GOLGA1: variants seen among roughly 807,000 people sequenced by gnomAD.
The protein encoded by GOLGA1 is golgin A1.
In GOLGA1, 63 loss-of-function variants were observed where a neutral mutation model predicts 119.7. The ratio of observed to expected loss-of-function variants is 0.53; its 90% confidence interval spans 0.43 to 0.65. The LOEUF (loss-of-function observed/expected upper bound fraction) is 0.65. Ranked by LOEUF, GOLGA1 falls within the 30% of genes least tolerant of loss-of-function variation. The pLI, the probability that GOLGA1 is intolerant of heterozygous loss-of-function variation, is 0.00. For synonymous variants in GOLGA1, 318 were observed against 333.4 expected, an observed-to-expected ratio of 0.95 and a Z score of 0.50; for missense variants, 798 against 912.8, an observed-to-expected ratio of 0.87 and a Z score of 1.62.
chr9:124,909,336 G>A (rs958792199), intron 11 of GOLGA1, among the ~76,000 whole-genome samples: 6 of 151,146 alleles, frequency 4.0e-5, no homozygotes, highest in Non-Finnish European at 5.9e-5. Flanking sequence ...GGCTGGGAGC[G>A]GTGGTTCACG....
upstream of GOLGA1, among the ~76,000 whole-genome samples, chr9:124,941,924 A>G (rs1165455162): frequency 6.6e-6 from 1 of 152,210 alleles, no homozygotes; most frequent in East Asian, 1.9e-4. Flanking sequence ...CTTTAAATAA[A>G]TAGCAATCAT....
At chr9:124,890,514 G>C (rs1440090348) in intron 15 of GOLGA1, 36 bp from the exon 16 acceptor site, 4 of 1,516,532 alleles carry the variant, frequency 2.6e-6, no homozygotes, top group African/African-American at 2.7e-5. Flanking sequence ...CCAAAACTTA[G>C]TTCACAGTTT....
In GOLGA1 at chr9:124,939,141, C is replaced by T. The variant is rs537375119; in HGVS notation, c.-155-275G>A. Among the ~76,000 whole-genome samples, 9 of 151,454 alleles carry T rather than the reference C, an allele frequency of 5.9e-5. No individual in the cohort carries two copies. The South Asian group carries it at 1.3e-3, about 21-fold the overall frequency. ...GAGGACTCTGATTCACAAATCTCTA[C>T]GTTTTTTTTTTTTAATTACATGTTG... On this transcript the variant is annotated intron_variant, in intron 2 of 22. Coordinates refer to ENST00000373555, the MANE Select transcript of GOLGA1 (RefSeq NM_002077.4).
At chr9:124,885,409 G>A (rs541154542) in intron 19 of GOLGA1, among the ~76,000 whole-genome samples, 14 of 148,874 alleles carry the variant, frequency 9.4e-5, no homozygotes, top group Non-Finnish European at 1.5e-4. Context: ...CGCTTGCACC[G>A]AGGAGGCAGA....
intron 8 of GOLGA1, 43 bp downstream of exon 8, chr9:124,923,052 A>C (rs763072559): frequency 7.2e-7 from 1 of 1,390,060 alleles, no homozygotes. Context: ...CAGAGTGAAT[A>C]ATCATCTATT....
At chr9:124,919,354 A>G (rs1487461142) in intron 10 of GOLGA1, among the ~76,000 whole-genome samples, 3 of 152,214 alleles carry the variant, frequency 2.0e-5, no homozygotes, top group Non-Finnish European at 4.4e-5. Flanking sequence ...AGTAGGTTTG[A>G]GTTCTATAAT....
At chr9:124,911,692 C>T (rs910500469) in intron 11 of GOLGA1, among the ~76,000 whole-genome samples, 1 of 151,958 alleles carries the variant, frequency 6.6e-6, no homozygotes, top group African/African-American at 2.4e-5. Flanking sequence ...TCTCTGAATA[C>T]AGCTCTCCCT....
At chr9:124,891,385 A>G (rs548015931) in intron 15 of GOLGA1, among the ~76,000 whole-genome samples, 92 of 152,350 alleles carry the variant, frequency 6.0e-4, no homozygotes, top group African/African-American at 2.1e-3. Flanking sequence ...AAACAATTCT[A>G]AATGTATGTG....
At chr9:124,897,875 A>G (rs143476529) in intron 15 of GOLGA1, among the ~76,000 whole-genome samples, 81 of 152,296 alleles carry the variant, frequency 5.3e-4, no homozygotes, top group African/African-American at 1.8e-3. Context: ...AGGGATCAAT[A>G]AGATCTTTGA....
Position 124,900,294 on chromosome 9 carries a change from C to T in GOLGA1, c.1161+158G>A. 3 of 514,878 alleles carry T rather than the reference C, an allele frequency of 5.8e-6. No homozygotes were observed. The Admixed American group carries it at 1.1e-4, about 19-fold the overall frequency. The allele number at this position is 514,878 out of a possible 1,614,324, so 31.9% of individuals were successfully genotyped here. ...CACCATTAGGTCCTGACTCCCTCCA[C>T]CCCCTGCTGCTGGCCTGCTCACATC... On this transcript the variant is annotated intron_variant, in intron 13 of 22. Coordinates refer to ENST00000373555, the MANE Select transcript of GOLGA1 (RefSeq NM_002077.4).
At chr9:124,904,848 G>A (rs1240990012) in intron 12 of GOLGA1, among the ~76,000 whole-genome samples, 1 of 151,498 alleles carries the variant, frequency 6.6e-6, no homozygotes, top group Non-Finnish European at 1.5e-5. Flanking sequence ...TGAGGCAGGA[G>A]AACTGCTTGA....
At chr9:124,894,802 G>C (rs901569302) in intron 15 of GOLGA1, among the ~76,000 whole-genome samples, 4 of 152,146 alleles carry the variant, frequency 2.6e-5, no homozygotes, top group Admixed American at 1.3e-4. Flanking sequence ...GGCTGCTACT[G>C]ACATCTAGTG....
At chr9:124,926,783 T>G (rs966629807) in intron 6 of GOLGA1, 42 bp from the exon 7 acceptor site, 1 of 1,094,686 alleles carries the variant, frequency 9.1e-7, no homozygotes, top group African/African-American at 1.6e-5. Context: ...CAGTGAAGAG[T>G]ATCTGTAATA....
At chr9:124,928,568 G>A (rs1830715267) in intron 5 of GOLGA1, among the ~76,000 whole-genome samples, 1 of 152,180 alleles carries the variant, frequency 6.6e-6, no homozygotes, top group Non-Finnish European at 1.5e-5. Flanking sequence ...ATGGTACAAT[G>A]ATAGAACACT....
intron 7 of GOLGA1, among the ~76,000 whole-genome samples, chr9:124,924,636 C>CAAAAAAAAAAAAAAAA (rs71374206): frequency 9.2e-6 from 1 of 108,678 alleles, no homozygotes; most frequent in African/African-American, 3.4e-5. Context: ...GACCCTGTCT[C>CAAAAAAAAAAAAAAAA]AAAAAAAAAA....
chr9:124,911,855 A>T, intron 11 of GOLGA1, 46 bp downstream of exon 11: 1 of 1,574,420 alleles, frequency 6.4e-7, no homozygotes, highest in Non-Finnish European at 8.7e-7. Flanking sequence ...ACCAGAATCA[A>T]CCCTGCCTTT....
chr9:124,922,984 A>G, intron 8 of GOLGA1, 111 bp downstream of exon 8: 2 of 656,568 alleles, frequency 3.0e-6, no homozygotes, highest in Non-Finnish European at 5.3e-6. Context: ...AATATGATTA[A>G]TATCACATAT....
Position 124,881,049 on chromosome 9 carries a change from C to G in GOLGA1, c.2223+122G>C. On this transcript the variant is annotated intron_variant, in intron 22 of 22. Coordinates refer to ENST00000373555, the MANE Select transcript of GOLGA1 (RefSeq NM_002077.4). The surrounding 1 kb of genome is among the most constrained non-coding windows in gnomAD (Gnocchi z 4.9). ...TCAAGTTCATCCAAAAGCAGCCAAG[C>G]TGATCATGCAGCTGTGCTGGTGCCT... The G allele has an allele frequency of 1.4e-6, 1 of 700,020 alleles. No individual in the cohort carries two copies. The highest frequency in any genetic ancestry group is 2.6e-6 in the Non-Finnish European group (1 of 381,744). The allele number at this position is 700,020 out of a possible 1,614,324, so 43.4% of individuals were successfully genotyped here.
intron 11 of GOLGA1, among the ~76,000 whole-genome samples, chr9:124,910,474 C>T (rs966054265): frequency 1.3e-5 from 2 of 152,246 alleles, no homozygotes; most frequent in African/African-American, 2.4e-5. Context: ...AGCTGACATA[C>T]ATTGAGACCC....
Sources: allele counts gnomAD v4.1 joint callset (sites outside exome capture counted in the v4.1 genomes callset), GRCh38; gene constraint gnomAD v4.1.1; non-coding constraint Gnocchi (gnomAD v3.1); transcripts MANE v1.5; gene names NCBI Gene and HGNC (gene_info 2026-07-23, HGNC 2026-07-21).